The following SPRN variants were observed in gnomAD, a reference collection of about 807,000 sequenced individuals.
SPRN encodes hypothetical protein BC004409.
For synonymous variants in SPRN, 182 were observed against 123.4 expected (o/e 1.48, Z -3.15); for missense variants, 312 against 241.4 (o/e 1.29, Z -1.94).
At position 133,423,317 on chromosome 10, in the gene SPRN, G is replaced by A. The variant is rs778833491; in HGVS notation, c.365C>T (p.Ala122Val). 3.7e-5 allele frequency: 57 copies of A among 1,522,244 alleles called. No homozygotes were observed. Among genetic ancestry groups the A allele is most frequent in the East Asian group, 5.2e-5 (2 of 38,792 alleles). The allele number at this position is 1,522,244 out of a possible 1,614,324, so 94.3% of individuals were successfully genotyped here. Residue 122 changes from alanine (A) to valine (V), a missense_variant, in exon 2 of 2, where the codon GCG becomes GTG. By Grantham distance (64) the Ala-to-Val change is moderately conservative. Transcript: ENST00000685335. ...GTGPGIYSYRAWTSGAGPTRG... is the reference protein window; with the variant it reads ...GTGPGIYSYRVWTSGAGPTRG... Reference sequence around the variant, plus strand: ...CGTGGGTCCAGCGCCCGAAGTCCACGCCCGGTAGCTGTAGATGCCGGGGCC... The same window carrying A: ...CGTGGGTCCAGCGCCCGAAGTCCACACCCGGTAGCTGTAGATGCCGGGGCC...
At position 133,423,244 on chromosome 10, in the gene SPRN, C is replaced by G. The variant is rs1375066050; in HGVS notation, c.438G>C (p.Leu146=). 6.8e-7 allele frequency: 1 copy of G among 1,477,708 alleles called. No homozygotes were observed. Among genetic ancestry groups the G allele is most frequent in the Non-Finnish European group, 9.0e-7 (1 of 1,115,892 alleles). 91.5% of individuals were successfully genotyped at this position (1,477,708 alleles called of 1,614,324 possible). ...CLVLGGALGA[L]GLLRP is the part of the protein sequence containing the mutation. ...GCCAGGCCTAGGGCCGCAGCAGCCC[C>G]AGGGCTCCGAGGGCGCCGCCCAGCA... is the stretch of plus-strand genomic sequence containing the variant. Residue 146 remains leucine, a synonymous_variant, in exon 2 of 2, where the codon CTG becomes CTC. Transcript: ENST00000685335.
Position 133,421,866 on chromosome 10 carries a change from C to A in SPRN, c.*1360G>T, listed in dbSNP as rs10857714. On this transcript the variant is annotated 3_prime_UTR_variant, in exon 2 of 2. Coordinates refer to ENST00000685335, the MANE Select transcript of SPRN (RefSeq NM_001391974.1). ...CAGTCCGGCTGAGGGCGAGGCTGTC[C>A]CCAGGACATGGAGAGGGTGAGATCC... 53,114 of 144,514 alleles carry A rather than the reference C, an allele frequency of 0.37. 10,922 individuals are homozygous for A. Among genetic ancestry groups the A allele is most frequent in the African/African-American group, 0.51 (19,869 of 39,254 alleles). The allele number at this position is 144,514 out of a possible 1,614,324, so 9.0% of individuals were successfully genotyped here. A position where few individuals can be genotyped will look rare whatever the true frequency, so the allele number is the denominator to read the frequency against.
Position 133,423,223 on chromosome 10 carries a change from GGC to G in SPRN, c.*1_*2del, listed in dbSNP as rs1396745454. 1.4e-6 allele frequency: 2 copies of G among 1,439,758 alleles called. No homozygotes were observed. Among genetic ancestry groups the G allele is most frequent in the African/African-American group, 2.9e-5 (2 of 67,876 alleles). 89.2% of individuals were successfully genotyped at this position (1,439,758 alleles called of 1,614,324 possible). On this transcript the variant is annotated 3_prime_UTR_variant, in exon 2 of 2. Coordinates refer to ENST00000685335, the MANE Select transcript of SPRN (RefSeq NM_001391974.1). ...CAGATGTGGTCCCCGAGCCCAGCCA[GGC>G]CTAGGGCCGCAGCAGCCCCAGGGCT...
Position 133,423,058 on chromosome 10 carries a change from C to A in SPRN, c.*168G>T. ...CTAGGTGGGAGGTGGCAGGCTGAGG[C>A]GGCGTGGGCAGGACGGTGGATGGCG... On this transcript the variant is annotated 3_prime_UTR_variant, in exon 2 of 2. Transcript: ENST00000685335. 1 of 690,112 alleles carries A rather than the reference C, an allele frequency of 1.4e-6. No individual in the cohort carries two copies. The allele number at this position is 690,112 out of a possible 1,614,324, so 42.7% of individuals were successfully genotyped here.
rs1008792850 is a variant in SPRN, at chr10:133,422,079, TGTC to T, written c.*1144_*1146del. 3.9e-5 allele frequency: 6 copies of T among 152,854 alleles called. No individual in the cohort carries two copies. Among genetic ancestry groups the T allele is most frequent in the African/African-American group, 9.7e-5 (4 of 41,450 alleles). 9.5% of individuals were successfully genotyped at this position (152,854 alleles called of 1,614,324 possible). On this transcript the variant is annotated 3_prime_UTR_variant, in exon 2 of 2. Transcript: ENST00000685335. ...GTGTCCAGTGCTGGAGGCAAGTCCT[TGTC>T]GTGACTGTCCAGCGCCACTCCATGT...
In SPRN at chr10:133,423,143, G is replaced by A. The variant is rs1250192708; in HGVS notation, c.*83C>T. The A allele has an allele frequency of 7.7e-7, 1 of 1,299,430 alleles. No homozygotes were observed. Among genetic ancestry groups the A allele is most frequent in the African/African-American group, 1.6e-5 (1 of 64,458 alleles). 80.5% of individuals were successfully genotyped at this position (1,299,430 alleles called of 1,614,324 possible). On this transcript the variant is annotated 3_prime_UTR_variant, in exon 2 of 2. Transcript: ENST00000685335. Reference sequence around the variant, plus strand: ...GTGGGGCTCCAAGACCGTGGGCAAGGGAGGAAGGGGGAGCCCAGGCCGGAG... The same window carrying A: ...GTGGGGCTCCAAGACCGTGGGCAAGAGAGGAAGGGGGAGCCCAGGCCGGAG...
intron 1 of SPRN, 83 bp downstream of exon 1, chr10:133,424,379 CGTCCAGACACG>C (rs1850322548): frequency 7.1e-6 from 1 of 141,636 alleles, no homozygotes; most frequent in Admixed American, 7.0e-5. Context: ...TGCGGGGCCG[CGTCCAGACACG>C]GCTGTGCGGG....
rs1332437414 is a variant in SPRN, at chr10:133,423,284, G to A, written c.398C>T (p.Pro133Leu). 2.0e-6 allele frequency: 3 copies of A among 1,517,208 alleles called. No homozygotes were observed. Among genetic ancestry groups the A allele is most frequent in the Non-Finnish European group, 2.6e-6 (3 of 1,137,938 alleles). The allele number at this position is 1,517,208 out of a possible 1,614,324, so 94.0% of individuals were successfully genotyped here. ...GCCGCCCAGCACGAGACAGAGACGC[G>A]GGCCGCGCGTGGGTCCAGCGCCCGA... Reference protein sequence around the residue: ...WTSGAGPTRGPRLCLVLGGAL... With the variant: ...WTSGAGPTRGLRLCLVLGGAL... Residue 133 changes from proline to leucine, a missense_variant, in exon 2 of 2, where the codon CCG becomes CTG. Pro to Leu is a moderately conservative substitution (Grantham distance 98). Coordinates refer to ENST00000685335, the MANE Select transcript of SPRN (RefSeq NM_001391974.1).
At position 133,421,707 on chromosome 10, in the gene SPRN, C is replaced by G. The variant is rs1383841121; in HGVS notation, c.*1519G>C. 1 of 152,988 alleles carries G rather than the reference C, an allele frequency of 6.5e-6. No homozygotes were observed. The highest frequency in any genetic ancestry group is 1.5e-5 in the Non-Finnish European group (1 of 68,380). 9.5% of individuals were successfully genotyped at this position (152,988 alleles called of 1,614,324 possible). On this transcript the variant is annotated 3_prime_UTR_variant, in exon 2 of 2. Transcript: ENST00000685335. ...AGAGCAGTGCTTGGTTGAGTCCTGC[C>G]AACAGCTTCCAGATCCTCACCCAGG...
chr10:133,423,923 C>T (rs1305387397), intron 1 of SPRN, among the ~76,000 whole-genome samples: 11 of 150,870 alleles, frequency 7.3e-5, no homozygotes, highest in Admixed American at 4.7e-4. Flanking sequence ...CAGGAGGGTT[C>T]TGCACCTGAA....
At position 133,421,206 on chromosome 10, in the gene SPRN, G is replaced by A. The variant is rs1850227534; in HGVS notation, c.*2020C>T. On this transcript the variant is annotated 3_prime_UTR_variant, in exon 2 of 2. Coordinates refer to ENST00000685335, the MANE Select transcript of SPRN (RefSeq NM_001391974.1). ...TACCCCACACACTCATCAGCCTGAAGTTAGCCCCTGAGTGCCACCTGCATC... is the reference window on the plus strand; with the variant it reads ...TACCCCACACACTCATCAGCCTGAAATTAGCCCCTGAGTGCCACCTGCATC... 6.6e-6 allele frequency: 1 copy of A among 152,620 alleles called. No individual in the cohort carries two copies. The highest frequency in any genetic ancestry group is 1.5e-5 in the Non-Finnish European group (1 of 68,180). The allele number at this position is 152,620 out of a possible 1,614,324, so 9.5% of individuals were successfully genotyped here. A position where few individuals can be genotyped will look rare whatever the true frequency, so the allele number is the denominator to read the frequency against.
chr10:133,423,257 GCGC>G lies in SPRN; in HGVS notation c.422_424del (p.Gly141del). 2 of 1,490,498 alleles carry G rather than the reference GCGC, an allele frequency of 1.3e-6. No individual in the cohort carries two copies. The highest frequency in any genetic ancestry group is 1.8e-6 in the Non-Finnish European group (2 of 1,122,864). 92.3% of individuals were successfully genotyped at this position (1,490,498 alleles called of 1,614,324 possible). On this transcript the variant is annotated inframe_deletion, in exon 2 of 2. Coordinates refer to ENST00000685335, the MANE Select transcript of SPRN (RefSeq NM_001391974.1). Reference sequence around the variant, plus strand: ...CCGCAGCAGCCCCAGGGCTCCGAGGGCGCCGCCCAGCACGAGACAGAGACGCGG... The same window carrying G: ...CCGCAGCAGCCCCAGGGCTCCGAGGGCGCCCAGCACGAGACAGAGACGCGG...
In SPRN at chr10:133,422,734, C is replaced by T. The variant is rs1477147418; in HGVS notation, c.*492G>A. On this transcript the variant is annotated 3_prime_UTR_variant, in exon 2 of 2. Coordinates refer to ENST00000685335, the MANE Select transcript of SPRN (RefSeq NM_001391974.1). Reference sequence around the variant, plus strand: ...TGGTTAGCACCTAACGTTTTTCCCTCACTTCCCCCCAAATTCTTAAGTCCT... The same window carrying T: ...TGGTTAGCACCTAACGTTTTTCCCTTACTTCCCCCCAAATTCTTAAGTCCT... The T allele has an allele frequency of 2.0e-5, 3 of 152,640 alleles. No homozygotes were observed. The highest frequency in any genetic ancestry group is 4.4e-5 in the Non-Finnish European group (3 of 68,580). The allele number at this position is 152,640 out of a possible 1,614,324, so 9.5% of individuals were successfully genotyped here. A position where few individuals can be genotyped will look rare whatever the true frequency, so the allele number is the denominator to read the frequency against.
In SPRN at chr10:133,420,841, C is replaced by G. The variant is rs116634431; in HGVS notation, c.*2385G>C. 6.6e-6 allele frequency: 1 copy of G among 152,358 alleles called. No individual in the cohort carries two copies. Among genetic ancestry groups the G allele is most frequent in the African/African-American group, 2.4e-5 (1 of 41,452 alleles). 9.4% of individuals were successfully genotyped at this position (152,358 alleles called of 1,614,324 possible). On this transcript the variant is annotated 3_prime_UTR_variant, in exon 2 of 2. Transcript: ENST00000685335. Reference sequence around the variant, plus strand: ...GCTGTGCAATGACTGGAAGGCCGCCCGGCATGGGCAGTAGAGACCCCTGGC... The same window carrying G: ...GCTGTGCAATGACTGGAAGGCCGCCGGGCATGGGCAGTAGAGACCCCTGGC...
At chr10:133,423,980 AG>A in intron 1 of SPRN, among the ~76,000 whole-genome samples, 1 of 3,344 alleles carries the variant, frequency 3.0e-4, no homozygotes, top group African/African-American at 4.3e-4. Context: ...AGGAGCGTTC[AG>A]GCCTCTGGGG....
rs1325126882 is a variant in SPRN, at chr10:133,423,618, C to T, written c.64G>A (p.Gly22Ser). Residue 22 changes from glycine to serine, a missense_variant, in exon 2 of 2, where the codon GGC becomes AGC. Coordinates refer to ENST00000685335, the MANE Select transcript of SPRN (RefSeq NM_001391974.1). ...CCTCCGCGGCCGCCCTTGGCTGCGC[C>T]GCTGTCGCAGAGGAAGGCGGCCGCC... is the stretch of plus-strand genomic sequence containing the variant. ...LLAAAFLCDS[G>S]AAKGGRGGAR... 1.3e-6 allele frequency: 2 copies of T among 1,555,798 alleles called. No homozygotes were observed. Among genetic ancestry groups the T allele is most frequent in the South Asian group, 2.4e-5 (2 of 84,418 alleles).
chr10:133,424,306 G>GCT (rs1850320285), intron 1 of SPRN, among the ~76,000 whole-genome samples, 167 bp downstream of exon 1: 3 of 143,272 alleles, frequency 2.1e-5, no homozygotes, highest in African/African-American at 8.2e-5. Context: ...CGCGCGCCCG[G>GCT]CGCTCAATGC....
In SPRN at chr10:133,422,047, C is replaced by T. The variant is rs550824196; in HGVS notation, c.*1179G>A. 1.5e-3 allele frequency: 234 copies of T among 153,502 alleles called. No homozygotes were observed. The highest frequency in any genetic ancestry group is 2.2e-3 in the Non-Finnish European group (153 of 68,672). The allele number at this position is 153,502 out of a possible 1,614,324, so 9.5% of individuals were successfully genotyped here. On this transcript the variant is annotated 3_prime_UTR_variant, in exon 2 of 2. Coordinates refer to ENST00000685335, the MANE Select transcript of SPRN (RefSeq NM_001391974.1). Reference sequence around the variant, plus strand: ...CTGGGAAGCAGAGGGCTGGTCTTAACACAGGTGTGTCCAGTGCTGGAGGCA... The same window carrying T: ...CTGGGAAGCAGAGGGCTGGTCTTAATACAGGTGTGTCCAGTGCTGGAGGCA...
rs767361883 is a variant in SPRN at position 133,422,834 on chromosome 10, G to C, written c.*392C>G. 8 of 175,196 alleles carry C rather than the reference G, an allele frequency of 4.6e-5. No homozygotes were observed. The highest frequency in any genetic ancestry group is 8.4e-5 in the Non-Finnish European group (7 of 83,288). The allele number at this position is 175,196 out of a possible 1,614,324, so 10.9% of individuals were successfully genotyped here. A position where few individuals can be genotyped will look rare whatever the true frequency, so the allele number is the denominator to read the frequency against. ...TCAGTGGCAGAACCAGCCTGATGTCGCCTCCCTGCCCGTGAGTCACCACGG... is the reference window on the plus strand; with the variant it reads ...TCAGTGGCAGAACCAGCCTGATGTCCCCTCCCTGCCCGTGAGTCACCACGG... On this transcript the variant is annotated 3_prime_UTR_variant, in exon 2 of 2. Coordinates refer to ENST00000685335, the MANE Select transcript of SPRN (RefSeq NM_001391974.1).
Sources: gnomAD v4.1 joint callset for allele counts (sites outside exome capture counted in the v4.1 genomes callset) on GRCh38, gnomAD v4.1.1 for gene constraint, MANE v1.5 for transcripts, NCBI Gene and HGNC (gene_info 2026-07-23, HGNC 2026-07-21) for gene names.